Variants in DCAF5 observed in about 807,000 individuals in gnomAD.
The protein encoded by DCAF5 is DDB1 and CUL4 associated factor 5.
In DCAF5, 9 loss-of-function variants were observed where a neutral mutation model predicts 80.7. The ratio of observed to expected loss-of-function variants is 0.11; its 90% CI spans 0.07 to 0.19. DCAF5 has a LOEUF of 0.19. DCAF5 is among the 10% of genes least tolerant of loss of function. The pLI is 1.00. For synonymous variants in DCAF5, 433 were observed against 461.9 expected (o/e 0.94, Z 0.80); for missense variants, 842 against 1,205.7 (o/e 0.70, Z 4.47).
chr14:69,075,338 T>C lies in DCAF5; in HGVS notation c.946+7A>G. ...TAGCAGTACATTCATGTGAAGGATA[T>C]ACTTGCCTGCTTCTGGATCTGCAGG... On this transcript the variant is annotated splice_region_variant and intron_variant, in intron 7 of 8. Coordinates refer to ENST00000341516, the MANE Select transcript of DCAF5 (RefSeq NM_003861.3). The C allele has an allele frequency of 6.2e-7, 1 of 1,604,888 alleles. No individual in the cohort carries two copies. Among genetic ancestry groups the C allele is most frequent in the Non-Finnish European group, 8.5e-7 (1 of 1,173,770 alleles).
Position 69,054,941 on chromosome 14 carries a change from C to G in DCAF5, c.1745G>C (p.Trp582Ser), listed in dbSNP as rs2037899232. 1.9e-6 allele frequency: 3 copies of G among 1,614,224 alleles called. No homozygotes were observed. Among genetic ancestry groups the G allele is most frequent in the Non-Finnish European group, 2.5e-6 (3 of 1,180,038 alleles). ...EELNERRAST[W>S]QRNAMRRRQK... ...TCGGCGCCGCATGGCATTCCGCTGC[C>G]AGGTAGAGGCTCGGCGTTCATTCAG... The change falls in exon 9 of 9, where the codon TGG becomes TCG. Residue 582 changes from tryptophan (W) to serine (S), a missense_variant. Physicochemically the swap from Trp to Ser is radical, Grantham distance 177 (BLOSUM62 -3). Coordinates refer to ENST00000341516, the MANE Select transcript of DCAF5 (RefSeq NM_003861.3).
chr14:69,115,074 G>C (rs2040499455), intron 5 of DCAF5, among the ~76,000 whole-genome samples: 3 of 152,200 alleles, frequency 2.0e-5, no homozygotes, highest in Admixed American at 1.3e-4. Flanking sequence ...ATACGGATGA[G>C]GCAGAACAGT....
intron 8 of DCAF5, among the ~76,000 whole-genome samples, chr14:69,059,808 T>G (rs1020637789): frequency 5.3e-5 from 8 of 152,200 alleles, no homozygotes; most frequent in Non-Finnish European, 1.2e-4. Flanking sequence ...ACTTAATGTT[T>G]CAAAGGGCTA....
intron 5 of DCAF5, among the ~76,000 whole-genome samples, chr14:69,099,251 A>C (rs1446959773): frequency 8.0e-6 from 1 of 124,266 alleles, no homozygotes; most frequent in Non-Finnish European, 1.7e-5. Flanking sequence ...ACTCTGTCTC[A>C]ACACACACAC....
intron 6 of DCAF5, chr14:69,091,240 C>T (rs2139967667): frequency 2.9e-6 from 2 of 694,724 alleles, no homozygotes; most frequent in East Asian, 5.4e-5. Flanking sequence ...AAAAAGATGG[C>T]ATCCCAAGAG....
intron 7 of DCAF5, among the ~76,000 whole-genome samples, chr14:69,069,952 G>A (rs371598885): frequency 3.9e-5 from 6 of 152,230 alleles, no homozygotes; most frequent in African/African-American, 1.4e-4. Flanking sequence ...AATAACAGTC[G>A]TTGAGTAGCT....
intron 1 of DCAF5, among the ~76,000 whole-genome samples, chr14:69,124,212 T>C (rs118185637): frequency 0.012 from 1,807 of 152,326 alleles, 18 homozygotes; most frequent in Non-Finnish European, 0.019. Flanking sequence ...GCATATTTTG[T>C]TTATCCACTA....
At position 69,054,013 on chromosome 14, in the gene DCAF5, C is replaced by T; in HGVS notation, c.2673G>A (p.Glu891=). The T allele has an allele frequency of 1.2e-6, 2 of 1,612,424 alleles. No homozygotes were observed. The highest frequency in any genetic ancestry group is 1.7e-6 in the Non-Finnish European group (2 of 1,178,672). ...KDCCGSEMAC[E]TPNAGTREDP... is the part of the protein sequence containing the mutation. The stretch of plus-strand genomic sequence containing the variant: ...CCTCTCTTGTTCCAGCATTGGGGGT[C>T]TCACAGGCCATTTCAGACCCGCAAC... The change falls in exon 9 of 9, where the codon GAG becomes GAA. Residue 891 remains glutamate, a synonymous_variant. Transcript: ENST00000341516.
At chr14:69,133,717 C>A (rs2041109442) in intron 1 of DCAF5, among the ~76,000 whole-genome samples, 1 of 152,140 alleles carries the variant, frequency 6.6e-6, no homozygotes. Flanking sequence ...ACTTATCTAC[C>A]TATTATCTCA....
intron 7 of DCAF5, among the ~76,000 whole-genome samples, chr14:69,065,096 CTT>C (rs34005299): frequency 2.5e-5 from 3 of 120,306 alleles, no homozygotes; most frequent in Non-Finnish European, 3.2e-5. Context: ...AATATGACCT[CTT>C]TTTTTTTTTT....
intron 5 of DCAF5, among the ~76,000 whole-genome samples, chr14:69,113,582 C>T (rs558965996): frequency 6.6e-6 from 1 of 152,182 alleles, no homozygotes; most frequent in Admixed American, 6.5e-5. Flanking sequence ...GTCCTCCCAA[C>T]AGATTTAGAG....
chr14:69,086,377 C>T lies in DCAF5; in HGVS notation c.879+5297G>A, dbSNP rs1331527331. 3.3e-5 allele frequency among the ~76,000 whole-genome samples: 5 copies of T among 150,590 alleles called. No homozygotes were observed. In the East Asian group the frequency reaches 5.8e-4, roughly 18 times the overall value. ...CGTCTAAAAACAAACAAACAAACAA[C>T]GACAACAAAAAAACATAATAGTGGA... On this transcript the variant is annotated intron_variant, in intron 6 of 8. Coordinates refer to ENST00000341516, the MANE Select transcript of DCAF5 (RefSeq NM_003861.3).
At chr14:69,140,536 T>G (rs569163731) in intron 1 of DCAF5, among the ~76,000 whole-genome samples, 362 of 152,204 alleles carry the variant, frequency 2.4e-3, no homozygotes, top group Non-Finnish European at 4.0e-3. Flanking sequence ...AGTTAAACAC[T>G]CCTCAGGAAA....
intron 5 of DCAF5, among the ~76,000 whole-genome samples, chr14:69,105,089 A>C (rs1041671894): frequency 6.6e-6 from 1 of 152,096 alleles, no homozygotes; most frequent in Non-Finnish European, 1.5e-5. Context: ...GTTCCTCAAA[A>C]AGTTTAATAT....
In DCAF5 at chr14:69,075,352, T is replaced by C; in HGVS notation, c.939A>G (p.Pro313=). 1.9e-6 allele frequency: 3 copies of C among 1,605,608 alleles called. No homozygotes were observed. ...NLYMWRIPAD[P]EAGGIGRVVN... is the part of the protein sequence containing the mutation. Reference sequence around the variant, plus strand: ...TGTGAAGGATATACTTGCCTGCTTCTGGATCTGCAGGAATTCTCCACATGT... The same window carrying C: ...TGTGAAGGATATACTTGCCTGCTTCCGGATCTGCAGGAATTCTCCACATGT... The change falls in exon 7 of 9, where the codon CCA becomes CCG. Residue 313 remains proline (P), a synonymous_variant. Transcript: ENST00000341516.
chr14:69,059,228 G>C (rs1184456950), intron 8 of DCAF5, among the ~76,000 whole-genome samples: 1 of 152,122 alleles, frequency 6.6e-6, no homozygotes, highest in African/African-American at 2.4e-5. Context: ...GAGAGCACAG[G>C]CAGGCACCAC....
Position 69,080,421 on chromosome 14 carries a change from C to T in DCAF5, c.880-5010G>A, listed in dbSNP as rs528750884. ...CAGTGCCAGTGGCACTGTTTCACTA[C>T]CAAAGGAAACAAACCCAAAGTACTT... On this transcript the variant is annotated intron_variant, in intron 6 of 8. Coordinates refer to ENST00000341516, the MANE Select transcript of DCAF5 (RefSeq NM_003861.3). Among the ~76,000 whole-genome samples the T allele has an allele frequency of 1.3e-3, 193 of 152,196 alleles. 1 individual carries two copies. The highest frequency in any genetic ancestry group is 4.4e-3 in the African/African-American group (184 of 41,518).
At position 69,055,878 on chromosome 14, in the gene DCAF5, G is replaced by A. The variant is rs1405744130; in HGVS notation, c.1075-267C>T. On this transcript the variant is annotated intron_variant, in intron 8 of 8. Coordinates refer to ENST00000341516, the MANE Select transcript of DCAF5 (RefSeq NM_003861.3). The surrounding 1 kb of genome is among the most constrained non-coding windows in gnomAD (Gnocchi z 5.6). ...GTGTCAAGAGACCTACCTAAGTCCT[G>A]TCTCTTGGCCCAGGGTAATCACATA... Among the ~76,000 whole-genome samples, 3 of 152,184 alleles carry A rather than the reference G, an allele frequency of 2.0e-5. No homozygotes were observed. Among genetic ancestry groups the A allele is most frequent in the African/African-American group, 7.2e-5 (3 of 41,442 alleles).
Position 69,078,743 on chromosome 14 carries a change from G to C in DCAF5, c.880-3332C>G, listed in dbSNP as rs146275857. 1.5e-3 allele frequency among the ~76,000 whole-genome samples: 232 copies of C among 152,356 alleles called. 1 individual carries two copies. Among genetic ancestry groups the C allele is most frequent in the African/African-American group, 5.3e-3 (220 of 41,584 alleles). ...GTAGAATGGTGGTTGCCAGGGCCTA[G>C]TGGCAGGGGAAATGGGGAGTTGATG... On this transcript the variant is annotated intron_variant, in intron 6 of 8. Coordinates refer to ENST00000341516, the MANE Select transcript of DCAF5 (RefSeq NM_003861.3).
Sources: allele counts gnomAD v4.1 joint callset (sites outside exome capture counted in the v4.1 genomes callset), GRCh38; gene constraint gnomAD v4.1.1; non-coding constraint Gnocchi (gnomAD v3.1); transcripts MANE v1.5; gene names NCBI Gene and HGNC (gene_info 2026-07-23, HGNC 2026-07-21).